The following CDH18 variants were observed in gnomAD, a reference collection of about 807,000 sequenced individuals.
CDH18 encodes the protein cadherin-18.
In CDH18, 31 loss-of-function variants were observed where a neutral mutation model predicts 67.9. The observed-to-expected ratio is 0.46, with a 90% confidence interval of 0.34 to 0.62. The LOEUF (loss-of-function observed/expected upper bound fraction) is 0.62, where lower values mean the gene tolerates loss of function less well. Among genes scored for constraint, CDH18 ranks in the 20% least tolerant of loss-of-function variants. CDH18 has a pLI of 0.01. For missense variants in CDH18, 890 were observed against 975.5 expected (o/e 0.91, Z 1.17); for synonymous variants, 362 against 347.2 (o/e 1.04, Z -0.48).
chr5:20,558,787 A>AAAAG (rs1237412990), intron 1 of CDH18, among the ~76,000 whole-genome samples: 21 of 152,108 alleles, frequency 1.4e-4, no homozygotes, highest in Admixed American at 1.3e-3. Context: ...ATTCAGAAGA[A>AAAAG]AAAGACTTGA....
At chr5:19,553,653 T>C (rs919727371) in intron 8 of CDH18, among the ~76,000 whole-genome samples, 1 of 149,140 alleles carries the variant, frequency 6.7e-6, no homozygotes, top group Admixed American at 6.7e-5. Flanking sequence ...TTTTTTTTTT[T>C]TTTGAGACAC....
intron 12 of CDH18, among the ~76,000 whole-genome samples, chr5:19,481,281 G>A (rs187764184): frequency 1.1e-4 from 16 of 152,222 alleles, no homozygotes; most frequent in Admixed American, 2.6e-4. Flanking sequence ...CTCTAGCTCA[G>A]GGTAGTTCAG....
intron 9 of CDH18, among the ~76,000 whole-genome samples, chr5:19,529,687 G>T (rs1044219116): frequency 6.6e-6 from 1 of 151,990 alleles, no homozygotes; most frequent in African/African-American, 2.4e-5. Context: ...GAAAGTAAAG[G>T]AAGATTTTAA....
chr5:19,957,266 A>G lies in CDH18; in HGVS notation c.-257+23794T>C, dbSNP rs1268415752. Among the ~76,000 whole-genome samples, 3 of 151,720 alleles carry G rather than the reference A, an allele frequency of 2.0e-5. No individual in the cohort carries two copies. The East Asian group carries it at 5.8e-4, about 29-fold the overall frequency. ...TTTTGTACTTTCAGAGTGAATTCAA[A>G]CATCTGCAAACATAAACACACAAAC... On this transcript the variant is annotated intron_variant, in intron 2 of 12. Transcript: ENST00000382275.
Position 19,772,547 on chromosome 5 carries a change from C to T in CDH18, c.229-25311G>A, listed in dbSNP as rs79829207. On this transcript the variant is annotated intron_variant, in intron 3 of 12. Transcript: ENST00000382275. ...TCCTTTAGAGTCTCCAAAAGAAAAG[C>T]AGCCCTGTCCACACCTTGATTCCAG... Among the ~76,000 whole-genome samples, 983 of 152,270 alleles carry T rather than the reference C, an allele frequency of 6.5e-3. 9 individuals carry two copies. The highest frequency in any genetic ancestry group is 0.023 in the African/African-American group (941 of 41,560).
chr5:20,356,719 GTCTCTCTCTCTCTCTCTC>G (rs199599355), intron 1 of CDH18, among the ~76,000 whole-genome samples: 1,765 of 130,024 alleles, frequency 0.014, 50 homozygotes, highest in African/African-American at 0.048. Context: ...ATATACCAAG[GTCTCTCTCTCTCTCTCTC>G]TCTCTCTCTC....
intron 1 of CDH18, among the ~76,000 whole-genome samples, chr5:20,458,500 C>T (rs1345767167): frequency 6.6e-6 from 1 of 151,956 alleles, no homozygotes; most frequent in Admixed American, 6.6e-5. Flanking sequence ...TGCCTGTAGA[C>T]CTAGCTACTC....
intron 1 of CDH18, among the ~76,000 whole-genome samples, chr5:20,496,106 T>C (rs897637005): frequency 1.1e-4 from 17 of 152,076 alleles, no homozygotes; most frequent in African/African-American, 4.1e-4. Context: ...TGTGATGAAA[T>C]AGATAGGCAT....
intron 3 of CDH18, among the ~76,000 whole-genome samples, chr5:19,771,586 T>A (rs2149740810): frequency 6.6e-6 from 1 of 152,328 alleles, no homozygotes; most frequent in South Asian, 2.1e-4. Context: ...ACAGAGGCAC[T>A]CAGCTAAGCC....
At chr5:20,151,388 A>G (rs1751089082) in intron 2 of CDH18, among the ~76,000 whole-genome samples, 1 of 152,120 alleles carries the variant, frequency 6.6e-6, no homozygotes, top group African/African-American at 2.4e-5. Context: ...CCAATTTGCC[A>G]TTGATGGGCA....
chr5:20,265,070 A>G (rs1744929476), intron 1 of CDH18, among the ~76,000 whole-genome samples: 1 of 152,168 alleles, frequency 6.6e-6, no homozygotes, highest in Non-Finnish European at 1.5e-5. Flanking sequence ...GAATGTCACC[A>G]TTATCTCAAT....
chr5:19,516,482 A>G (rs550173370), intron 10 of CDH18, among the ~76,000 whole-genome samples: 1 of 151,668 alleles, frequency 6.6e-6, no homozygotes, highest in African/African-American at 2.4e-5. Context: ...CTGGTCCTAG[A>G]CTTTTTTTGG....
At chr5:19,590,946 A>G (rs573718691) in intron 7 of CDH18, 111 bp downstream of exon 7, 1 of 577,240 alleles carries the variant, frequency 1.7e-6, no homozygotes, top group South Asian at 2.7e-5. Flanking sequence ...AAGTGACAAT[A>G]TTTTATCATT....
At position 20,129,948 on chromosome 5, in the gene CDH18, G is replaced by A. The variant is rs145317527; in HGVS notation, c.-518+125496C>T. On this transcript the variant is annotated intron_variant, in intron 2 of 14. Transcript: ENST00000507958. The stretch of plus-strand genomic sequence containing the variant: ...CAAATATGATTGTTTTGGATGAATC[G>A]GTGAAAGTACAGGGAAAAATGATTT... Among the ~76,000 whole-genome samples the A allele has an allele frequency of 5.6e-3, 849 of 151,496 alleles. 5 individuals are homozygous for A. The highest frequency in any genetic ancestry group is 8.4e-3 in the Non-Finnish European group (569 of 67,844).
intron 1 of CDH18, among the ~76,000 whole-genome samples, chr5:20,278,482 A>G (rs753265625): frequency 3.9e-5 from 6 of 152,136 alleles, no homozygotes; most frequent in Non-Finnish European, 7.3e-5. Flanking sequence ...TTTCTACAAT[A>G]TAAGACCTAT....
intron 2 of CDH18, among the ~76,000 whole-genome samples, chr5:20,174,131 C>T (rs983206442): frequency 3.3e-5 from 5 of 152,086 alleles, no homozygotes; most frequent in African/African-American, 9.7e-5. Flanking sequence ...AAATGAACTC[C>T]TATCTGTTCT....
intron 5 of CDH18, among the ~76,000 whole-genome samples, chr5:19,689,291 A>T (rs1462260823): frequency 2.6e-5 from 4 of 152,082 alleles, no homozygotes; most frequent in African/African-American, 9.6e-5. Flanking sequence ...GTGTCTTGTT[A>T]TATGTAAGAG....
rs139776850 is a variant in CDH18, at chr5:19,852,266, T to C, written c.-256-13024A>G. Among the ~76,000 whole-genome samples the C allele has an allele frequency of 9.1e-3, 1,385 of 152,162 alleles. 7 individuals are homozygous for C. Among genetic ancestry groups the C allele is most frequent in the Middle Eastern group, 0.014 (4 of 294 alleles). On this transcript the variant is annotated intron_variant, in intron 2 of 12. Coordinates refer to ENST00000382275, the MANE Select transcript of CDH18 (RefSeq NM_004934.5). ...GCAAGTCAAACTTCTGCCAGACTCT[T>C]GAGTTCTCATGCTGGAAAAGAGCAT...
At chr5:19,757,722 T>C (rs1341625642) in intron 3 of CDH18, among the ~76,000 whole-genome samples, 1 of 152,206 alleles carries the variant, frequency 6.6e-6, no homozygotes, top group Non-Finnish European at 1.5e-5. Context: ...TCACCAATTT[T>C]CCGATCATGC....
Sources: allele counts gnomAD v4.1 joint callset (sites outside exome capture counted in the v4.1 genomes callset), GRCh38; gene constraint gnomAD v4.1.1; transcripts MANE v1.5; gene names NCBI Gene and HGNC (gene_info 2026-07-23, HGNC 2026-07-21).